Variants in HDAC9 observed in about 807,000 individuals in gnomAD.
HDAC9 encodes the protein histone deacetylase 9.
A neutral mutation model predicts 139.4 loss-of-function variants in HDAC9; 41 were observed. That is an observed-to-expected ratio of 0.29 (90% confidence interval 0.23 to 0.38). The LOEUF (loss-of-function observed/expected upper bound fraction) is 0.38. Among genes scored for constraint, HDAC9 ranks in the 10% least tolerant of loss-of-function variants. The probability of loss-of-function intolerance (pLI) is 1.00; values close to 1 mark genes in which losing one functional copy is unlikely to be tolerated. For missense variants in HDAC9, 1,147 were observed against 1,297.0 expected (o/e 0.88, Z 1.78); for synonymous variants, 517 against 476.2 (o/e 1.09, Z -1.12).
At chr7:18,733,692 C>T (rs942439667) in intron 13 of HDAC9, among the ~76,000 whole-genome samples, 1 of 151,616 alleles carries the variant, frequency 6.6e-6, no homozygotes, top group Non-Finnish European at 1.5e-5. Context: ...TACATACATA[C>T]ACACACATAT....
intron 17 of HDAC9, among the ~76,000 whole-genome samples, chr7:18,817,040 T>G (rs1431970045): frequency 1.8e-5 from 1 of 54,114 alleles, no homozygotes; most frequent in South Asian, 5.1e-4. Flanking sequence ...AGTTTTTTGT[T>G]TTTTTTTTTT....
At chr7:18,958,073 G>A (rs1783283644) in intron 24 of HDAC9, among the ~76,000 whole-genome samples, 2 of 152,114 alleles carry the variant, frequency 1.3e-5, no homozygotes, top group South Asian at 4.1e-4. Context: ...TCCTTGCCTG[G>A]CCACATGTAT....
intron 14 of HDAC9, among the ~76,000 whole-genome samples, chr7:18,751,895 A>C (rs958302017): frequency 6.6e-6 from 1 of 152,050 alleles, no homozygotes; most frequent in African/African-American, 2.4e-5. Context: ...GATTATTCCA[A>C]ACCAGGTTAG....
intron 17 of HDAC9, among the ~76,000 whole-genome samples, chr7:18,811,490 G>A (rs143547532): frequency 1.3e-5 from 2 of 151,694 alleles, no homozygotes; most frequent in African/African-American, 4.8e-5. Context: ...TGACACGTGA[G>A]TTATTTTAAA....
intron 2 of HDAC9, 60 bp downstream of exon 2, chr7:18,496,384 T>C: frequency 6.9e-7 from 1 of 1,457,358 alleles, no homozygotes; most frequent in Non-Finnish European, 9.6e-7. Context: ...GCTTGGGAAA[T>C]GCAGCTAAGA....
At chr7:18,333,348 G>T (rs1296514183) in intron 1 of HDAC9, among the ~76,000 whole-genome samples, 2 of 151,458 alleles carry the variant, frequency 1.3e-5, no homozygotes, top group Non-Finnish European at 3.0e-5. Flanking sequence ...ACAACATGAG[G>T]ATTAAAGTTA....
intron 1 of HDAC9, among the ~76,000 whole-genome samples, chr7:18,457,328 G>T (rs1037475948): frequency 1.3e-5 from 2 of 152,052 alleles, no homozygotes; most frequent in Admixed American, 6.5e-5. Context: ...ATATGAAATA[G>T]AACTGTCATT....
chr7:18,174,686 G>A (rs1013537257), intron 2 of HDAC9, among the ~76,000 whole-genome samples: 2 of 152,128 alleles, frequency 1.3e-5, no homozygotes, highest in African/African-American at 2.4e-5. Context: ...CTGTTTGTTA[G>A]TTTTCCTTCT....
intron 4 of HDAC9, 45 bp from the exon 5 acceptor site, chr7:18,591,471 G>GTGTA: frequency 6.7e-7 from 1 of 1,486,890 alleles, no homozygotes; most frequent in African/African-American, 1.7e-5. Flanking sequence ...GTTTCTGTGT[G>GTGTA]TGTATGTGTG....
chr7:18,248,735 C>T (rs553110706), intron 2 of HDAC9, among the ~76,000 whole-genome samples: 8 of 152,256 alleles, frequency 5.3e-5, no homozygotes, highest in African/African-American at 1.4e-4. Flanking sequence ...TGGGAAGGAA[C>T]GTTTCCTCCA....
intron 22 of HDAC9, among the ~76,000 whole-genome samples, chr7:18,932,848 A>AAAAGAAAGAAAG (rs71017014): frequency 0.069 from 9,592 of 138,204 alleles, 430 homozygotes; most frequent in East Asian, 0.19. Flanking sequence ...AGGAAGGAAA[A>AAAAGAAAGAAAG]AAAGAAAGAA....
chr7:18,604,765 G>C (rs1456827160), intron 6 of HDAC9, among the ~76,000 whole-genome samples: 1 of 151,964 alleles, frequency 6.6e-6, no homozygotes, highest in African/African-American at 2.4e-5. Flanking sequence ...ATCTTTCCTA[G>C]AGTTTCCATT....
At chr7:18,262,300 C>T (rs772164376) in intron 2 of HDAC9, among the ~76,000 whole-genome samples, 1 of 152,144 alleles carries the variant, frequency 6.6e-6, no homozygotes, top group Non-Finnish European at 1.5e-5. Flanking sequence ...GATTTCTCTT[C>T]AGAGACCATG....
upstream of HDAC9, among the ~76,000 whole-genome samples, chr7:18,286,312 A>G (rs563808749): frequency 5.3e-5 from 8 of 151,478 alleles, no homozygotes; most frequent in South Asian, 4.1e-4. Flanking sequence ...CCATGGTTCA[A>G]TTAGTCCCTC....
chr7:18,220,142 A>G (rs1240970440), intron 2 of HDAC9, among the ~76,000 whole-genome samples: 1 of 152,208 alleles, frequency 6.6e-6, no homozygotes, highest in African/African-American at 2.4e-5. Flanking sequence ...AGATCTTCAC[A>G]AGACCATAAC....
intron 1 of HDAC9, among the ~76,000 whole-genome samples, chr7:18,408,974 C>T (rs772766297): frequency 8.5e-5 from 13 of 152,162 alleles, no homozygotes; most frequent in Admixed American, 2.0e-4. Flanking sequence ...TAATCAAATC[C>T]GTTTTTAGAC....
chr7:18,502,892 C>G (rs1415262977), intron 2 of HDAC9, among the ~76,000 whole-genome samples: 1 of 151,864 alleles, frequency 6.6e-6, no homozygotes, highest in Non-Finnish European at 1.5e-5. Context: ...TCGAGGCACA[C>G]AAAATTTTTT....
At chr7:18,184,416 T>A (rs994578614) in intron 2 of HDAC9, among the ~76,000 whole-genome samples, 1 of 152,160 alleles carries the variant, frequency 6.6e-6, no homozygotes, top group African/African-American at 2.4e-5. Flanking sequence ...AATAAAAAAA[T>A]AAATAATGAG....
intron 1 of HDAC9, among the ~76,000 whole-genome samples, chr7:18,111,110 G>C (rs1783589275): frequency 6.6e-6 from 1 of 152,226 alleles, no homozygotes; most frequent in African/African-American, 2.4e-5. Flanking sequence ...GGCAAGAAAA[G>C]AGTCAGAATG....
Sources: gnomAD v4.1 joint callset for allele counts (sites outside exome capture counted in the v4.1 genomes callset) on GRCh38, gnomAD v4.1.1 for gene constraint, MANE v1.5 for transcripts, NCBI Gene and HGNC (gene_info 2026-07-23, HGNC 2026-07-21) for gene names.